The following PTER variants were observed in gnomAD, a reference collection of about 807,000 sequenced individuals.
PTER encodes the protein N-acetyltaurine hydrolase.
In PTER, 38 loss-of-function variants were observed where a neutral mutation model predicts 29.6. The observed-to-expected ratio is 1.28, with a 90% CI of 0.99 to 1.68. The LOEUF (loss-of-function observed/expected upper bound fraction) is 1.68, where lower values mean the gene tolerates loss of function less well. Among genes scored for constraint, PTER ranks in the 40% most tolerant of loss-of-function variants. PTER has a pLI of 0.00. For missense variants in PTER, 482 were observed against 427.8 expected (o/e 1.13, Z -1.12); for synonymous variants, 172 against 154.5 (o/e 1.11, Z -0.84).
At chr10:16,456,673 G>T (rs1834405576) in intron 1 of PTER, among the ~76,000 whole-genome samples, 1 of 152,276 alleles carries the variant, frequency 6.6e-6, no homozygotes, top group East Asian at 1.9e-4. Context: ...CAGGGGAGAA[G>T]AATTTTGCGC....
At chr10:16,453,704 A>G (rs1455570439) in intron 1 of PTER, among the ~76,000 whole-genome samples, 1 of 152,218 alleles carries the variant, frequency 6.6e-6, no homozygotes, top group African/African-American at 2.4e-5. Context: ...CATCAGAAAA[A>G]ATTCATATAA....
chr10:16,502,377 A>AT (rs1466143479), intron 3 of PTER, among the ~76,000 whole-genome samples: 1 of 152,188 alleles, frequency 6.6e-6, no homozygotes, highest in Non-Finnish European at 1.5e-5. Context: ...AAAAACACAT[A>AT]TTCTTTCAGC....
intron 1 of PTER, among the ~76,000 whole-genome samples, chr10:16,459,287 G>A (rs1175062910): frequency 6.6e-6 from 1 of 151,986 alleles, no homozygotes; most frequent in Non-Finnish European, 1.5e-5. Context: ...GTGTCACTTG[G>A]GCAAGTATAT....
chr10:16,500,958 G>A (rs2133491294), intron 3 of PTER, among the ~76,000 whole-genome samples: 1 of 152,046 alleles, frequency 6.6e-6, no homozygotes, highest in African/African-American at 2.4e-5. Flanking sequence ...TTGAGACACA[G>A]TCTCACTCTG....
At chr10:16,442,298 A>T (rs1833876337) in intron 1 of PTER, among the ~76,000 whole-genome samples, 1 of 152,196 alleles carries the variant, frequency 6.6e-6, no homozygotes, top group Admixed American at 6.5e-5. Flanking sequence ...TGACAATTCG[A>T]CATGTCTCAT....
chr10:16,480,538 A>C (rs941976257), intron 1 of PTER, among the ~76,000 whole-genome samples: 7 of 152,128 alleles, frequency 4.6e-5, no homozygotes, highest in African/African-American at 1.7e-4. Context: ...GAGTACCTTC[A>C]ACCAGGTCAA....
rs763483866 is a variant in PTER at position 16,511,149 on chromosome 10, C to A, written c.943C>A (p.His315Asn). 6.2e-7 allele frequency: 1 copy of A among 1,614,118 alleles called. No individual in the cohort carries two copies. Among genetic ancestry groups the A allele is most frequent in the Admixed American group, 1.7e-5 (1 of 60,014 alleles). The change falls in exon 5 of 5, where the codon CAT becomes AAT. Residue 315 changes from histidine (H) to asparagine (N), a missense_variant. Physicochemically the swap from His to Asn is moderately conservative, Grantham distance 68 (BLOSUM62 1). Coordinates refer to ENST00000535784, the MANE Select transcript of PTER (RefSeq NM_001261836.2). The part of the protein sequence containing the change: ...LMKYGGHGYS[H>N]ILTNVVPKML... ...GAAATATGGAGGTCACGGCTATTCT[C>A]ATATACTCACCAATGTTGTTCCTAA... is the stretch of plus-strand genomic sequence containing the variant.
chr10:16,489,073 C>T (rs1027707186), intron 3 of PTER, among the ~76,000 whole-genome samples: 1 of 152,130 alleles, frequency 6.6e-6, no homozygotes, highest in Non-Finnish European at 1.5e-5. Context: ...GTAGGGCTTT[C>T]TTACCTATAC....
intron 4 of PTER, 59 bp downstream of exon 4, chr10:16,505,219 A>G (rs2133504766): frequency 3.8e-6 from 6 of 1,578,450 alleles, no homozygotes; most frequent in Admixed American, 3.5e-5. Context: ...TGATTGTCAT[A>G]TCTAGGGAAG....
chr10:16,501,323 ATAAC>A (rs1161129365), intron 3 of PTER, among the ~76,000 whole-genome samples: 7 of 140,274 alleles, frequency 5.0e-5, no homozygotes, highest in East Asian at 4.2e-4. Context: ...AAAAAAATGA[ATAAC>A]TACACACACA....
In PTER at chr10:16,512,865, G is replaced by A. The variant is rs1392222253; in HGVS notation, c.*1609G>A. The A allele has an allele frequency of 6.6e-6, 1 of 152,528 alleles. No individual in the cohort carries two copies. Among genetic ancestry groups the A allele is most frequent in the African/African-American group, 2.4e-5 (1 of 41,424 alleles). 9.4% of individuals were successfully genotyped at this position (152,528 alleles called of 1,614,324 possible). On this transcript the variant is annotated 3_prime_UTR_variant, in exon 5 of 5. Coordinates refer to ENST00000535784, the MANE Select transcript of PTER (RefSeq NM_001261836.2). ...TTGTAATAGTGGAAGTTGTGTGATA[G>A]TTAGGAGATATCAACATGCATTTTT...
intron 3 of PTER, among the ~76,000 whole-genome samples, chr10:16,492,235 A>G (rs937579734): frequency 6.6e-6 from 1 of 152,192 alleles, no homozygotes; most frequent in African/African-American, 2.4e-5. Context: ...ACCCTAGGGA[A>G]CATTGCAGGG....
intron 1 of PTER, chr10:16,437,539 CT>C (rs919377347): frequency 6.6e-6 from 1 of 152,020 alleles, no homozygotes; most frequent in African/African-American, 2.4e-5. Flanking sequence ...TAGAGAGTGT[CT>C]CGCCATGTTG....
At chr10:16,443,963 C>G (rs1180591089) in intron 1 of PTER, among the ~76,000 whole-genome samples, 2 of 150,850 alleles carry the variant, frequency 1.3e-5, no homozygotes, top group African/African-American at 4.9e-5. Flanking sequence ...ACAGAAAGGT[C>G]TGTGAGAAAA....
At chr10:16,499,583 G>A (rs1365005171) in intron 3 of PTER, among the ~76,000 whole-genome samples, 4 of 151,636 alleles carry the variant, frequency 2.6e-5, no homozygotes, top group South Asian at 2.1e-4. Flanking sequence ...CTGGGACCCC[G>A]GGTGTGCACC....
chr10:16,440,067 ATT>A (rs71374689), intron 1 of PTER, among the ~76,000 whole-genome samples: 6 of 135,208 alleles, frequency 4.4e-5, no homozygotes, highest in Non-Finnish European at 4.7e-5. Flanking sequence ...TCCTAACAAG[ATT>A]TTTTTTTTTT....
chr10:16,488,309 C>T (rs1835777794), intron 3 of PTER, among the ~76,000 whole-genome samples: 1 of 152,034 alleles, frequency 6.6e-6, no homozygotes, highest in South Asian at 2.1e-4. Flanking sequence ...TCTTGGACAG[C>T]TTAATTTGAA....
chr10:16,444,314 G>T (rs563667231), intron 1 of PTER, among the ~76,000 whole-genome samples: 1 of 151,940 alleles, frequency 6.6e-6, no homozygotes, highest in Non-Finnish European at 1.5e-5. Flanking sequence ...TTTTGAGACG[G>T]TGTCTTGCTC....
chr10:16,450,697 C>T (rs970846435), intron 1 of PTER, among the ~76,000 whole-genome samples: 1 of 152,044 alleles, frequency 6.6e-6, no homozygotes, highest in African/African-American at 2.4e-5. Flanking sequence ...AGAAGAGGCT[C>T]AGTATGTGCT....
Sources: allele counts gnomAD v4.1 joint callset (sites outside exome capture counted in the v4.1 genomes callset), GRCh38; gene constraint gnomAD v4.1.1; transcripts MANE v1.5; gene names NCBI Gene and HGNC (gene_info 2026-07-23, HGNC 2026-07-21).